Variants in MLLT3 observed in about 807,000 individuals in gnomAD.
MLLT3 encodes MLLT3 super elongation complex subunit.
Under a neutral mutation model 53.2 loss-of-function variants are expected in MLLT3, and 4 were observed. That is an observed-to-expected ratio of 0.08 (90% confidence interval 0.04 to 0.17). MLLT3 has a LOEUF of 0.17. Ranked by LOEUF, MLLT3 falls within the 10% of genes least tolerant of loss-of-function variation. MLLT3 has a pLI of 1.00. For synonymous variants in MLLT3, 283 were observed against 230.6 expected (o/e 1.23, Z -2.06); for missense variants, 569 against 684.0 (o/e 0.83, Z 1.87).
intron 5 of MLLT3, among the ~76,000 whole-genome samples, chr9:20,397,758 T>C (rs1822358299): frequency 6.6e-6 from 1 of 152,182 alleles, no homozygotes; most frequent in Non-Finnish European, 1.5e-5. Flanking sequence ...AGAGTTCATT[T>C]TTTTTCTCTT....
chr9:20,498,286 CT>C (rs1421882211), intron 2 of MLLT3, among the ~76,000 whole-genome samples: 1 of 135,816 alleles, frequency 7.4e-6, no homozygotes, highest in African/African-American at 2.7e-5. Flanking sequence ...GCTGTTCTAC[CT>C]TTACCAGTAC....
At chr9:20,521,728 G>C (rs914804694) in intron 2 of MLLT3, among the ~76,000 whole-genome samples, 1 of 152,100 alleles carries the variant, frequency 6.6e-6, no homozygotes, top group Admixed American at 6.6e-5. Context: ...AGTGCTTTCT[G>C]TTCTTTAAAT....
chr9:20,504,700 A>T (rs1449347792), intron 2 of MLLT3, among the ~76,000 whole-genome samples: 3 of 152,054 alleles, frequency 2.0e-5, no homozygotes, highest in Non-Finnish European at 4.4e-5. Context: ...ATAACAATGT[A>T]TTTTATTTTG....
intron 2 of MLLT3, among the ~76,000 whole-genome samples, chr9:20,458,388 A>T (rs1183485557): frequency 6.6e-6 from 1 of 152,190 alleles, no homozygotes; most frequent in African/African-American, 2.4e-5. Flanking sequence ...GATCCTCCTC[A>T]GACTAGGCGA....
intron 5 of MLLT3, among the ~76,000 whole-genome samples, chr9:20,388,449 G>A (rs138055369): frequency 3.9e-5 from 6 of 152,120 alleles, no homozygotes; most frequent in South Asian, 4.2e-4. Context: ...TTAGACAGGC[G>A]TGGTGGTGGG....
intron 2 of MLLT3, among the ~76,000 whole-genome samples, chr9:20,512,226 CT>C (rs1270130787): frequency 1.3e-5 from 2 of 152,186 alleles, no homozygotes; most frequent in African/African-American, 4.8e-5. Context: ...CCCTATCTGG[CT>C]CCTGATCTGA....
chr9:20,584,211 C>A (rs567080465), intron 2 of MLLT3, among the ~76,000 whole-genome samples: 1 of 152,312 alleles, frequency 6.6e-6, no homozygotes, highest in African/African-American at 2.4e-5. Context: ...CTGTTCCCAA[C>A]AAGTTCCTCA....
At chr9:20,601,293 T>C (rs1333189471) in intron 2 of MLLT3, among the ~76,000 whole-genome samples, 1 of 152,162 alleles carries the variant, frequency 6.6e-6, no homozygotes, top group East Asian at 1.9e-4. Flanking sequence ...AGATCAAAAA[T>C]AGTCATAGAA....
chr9:20,353,518 T>G lies in MLLT3; in HGVS notation c.1575+7A>C. On this transcript the variant is annotated splice_region_variant and intron_variant, in intron 10 of 10. Transcript: ENST00000380338. Reference sequence around the variant, plus strand: ...TGGAAAGGGTTGTGCTAAAAAGCATTTCTCACCTGCTGCAGAATGTGTCTT... The same window carrying G: ...TGGAAAGGGTTGTGCTAAAAAGCATGTCTCACCTGCTGCAGAATGTGTCTT... The G allele has an allele frequency of 1.2e-6, 2 of 1,613,348 alleles. No individual in the cohort carries two copies. The highest frequency in any genetic ancestry group is 1.7e-6 in the Non-Finnish European group (2 of 1,179,270).
chr9:20,424,355 T>TTTA (rs1248472206), intron 4 of MLLT3, among the ~76,000 whole-genome samples: 1 of 152,190 alleles, frequency 6.6e-6, no homozygotes, highest in African/African-American at 2.4e-5. Flanking sequence ...TCTCCTATAA[T>TTTA]GCCCTGGCAG....
chr9:20,617,921 T>C (rs1820876916), intron 2 of MLLT3, among the ~76,000 whole-genome samples: 1 of 152,224 alleles, frequency 6.6e-6, no homozygotes, highest in South Asian at 2.1e-4. Flanking sequence ...CTCCTACAAA[T>C]TCTAATATTA....
chr9:20,383,221 G>A (rs1237535359), intron 5 of MLLT3, among the ~76,000 whole-genome samples: 1 of 151,900 alleles, frequency 6.6e-6, no homozygotes, highest in Non-Finnish European at 1.5e-5. Context: ...GTGAGGAGCA[G>A]AAAACAAATG....
intron 5 of MLLT3, among the ~76,000 whole-genome samples, chr9:20,376,851 T>C (rs1191673128): frequency 6.6e-6 from 1 of 152,180 alleles, no homozygotes; most frequent in Non-Finnish European, 1.5e-5. Context: ...GGCTGAAGGA[T>C]CCTTGTTAAG....
intron 2 of MLLT3, among the ~76,000 whole-genome samples, chr9:20,616,966 G>A (rs569039229): frequency 1.0e-3 from 153 of 152,208 alleles, no homozygotes; most frequent in Non-Finnish European, 1.9e-3. Context: ...ACCCCTGCCC[G>A]ATTTACATTC....
In MLLT3 at chr9:20,501,352, C is replaced by T. The variant is rs142297436; in HGVS notation, c.194-44566G>A. On this transcript the variant is annotated intron_variant, in intron 2 of 10. Coordinates refer to ENST00000380338, the MANE Select transcript of MLLT3 (RefSeq NM_004529.4). Reference sequence around the variant, plus strand: ...AAGGCAAATAAGACAGTTTCCTTCCCCTCACATAGTTAAGGCATCTAACTA... The same window carrying T: ...AAGGCAAATAAGACAGTTTCCTTCCTCTCACATAGTTAAGGCATCTAACTA... 1.3e-3 allele frequency among the ~76,000 whole-genome samples: 200 copies of T among 152,244 alleles called. 1 individual carries two copies. Among genetic ancestry groups the T allele is most frequent in the African/African-American group, 4.6e-3 (190 of 41,536 alleles).
chr9:20,508,455 G>T (rs916755679), intron 2 of MLLT3, among the ~76,000 whole-genome samples: 1 of 152,152 alleles, frequency 6.6e-6, no homozygotes, highest in Non-Finnish European at 1.5e-5. Context: ...CCAGGATCTA[G>T]AGACCTAAAG....
intron 2 of MLLT3, among the ~76,000 whole-genome samples, chr9:20,611,498 C>T (rs747489379): frequency 6.6e-6 from 1 of 151,900 alleles, no homozygotes; most frequent in African/African-American, 2.4e-5. Flanking sequence ...GAAAAAAAAT[C>T]TAGTTTTGAC....
At chr9:20,467,577 A>C (rs541558189) in intron 2 of MLLT3, among the ~76,000 whole-genome samples, 12 of 152,204 alleles carry the variant, frequency 7.9e-5, no homozygotes, top group Non-Finnish European at 1.5e-4. Flanking sequence ...ACTCCATCTC[A>C]AAAAATAAAA....
intron 4 of MLLT3, among the ~76,000 whole-genome samples, chr9:20,423,818 G>A (rs1481133007): frequency 1.3e-5 from 2 of 151,724 alleles, no homozygotes; most frequent in Admixed American, 6.6e-5. Flanking sequence ...CTAGCTGAGT[G>A]TGGTGGTGGT....
Sources: allele counts gnomAD v4.1 joint callset (sites outside exome capture counted in the v4.1 genomes callset), GRCh38; gene constraint gnomAD v4.1.1; transcripts MANE v1.5; gene names NCBI Gene and HGNC (gene_info 2026-07-23, HGNC 2026-07-21).